The following SNORC variants were observed in gnomAD, a reference collection of about 807,000 sequenced individuals.
SNORC encodes the protein secondary ossification center associated regulator of chondrocyte maturation.
SNORC carries 11 observed loss-of-function variants against 9.7 expected under a neutral mutation model. That is an observed-to-expected ratio of 1.14 (90% CI 0.72 to 1.88). SNORC has a LOEUF of 1.88. Ranked by LOEUF, SNORC falls within the 40% of genes most tolerant of loss-of-function variation. The pLI, the probability that SNORC is intolerant of heterozygous loss-of-function variation, is 0.00. For missense variants in SNORC, 197 were observed against 173.1 expected, an observed-to-expected ratio of 1.14 and a Z score of -0.77; for synonymous variants, 108 against 88.7, an observed-to-expected ratio of 1.22 and a Z score of -1.22.
intron 1 of SNORC, among the ~76,000 whole-genome samples, chr2:232,873,887 T>C (rs1179973233): frequency 6.6e-6 from 1 of 152,236 alleles, no homozygotes; most frequent in African/African-American, 2.4e-5. Flanking sequence ...AGTGCTACAG[T>C]GCAGCCTTGG....
intron 1 of SNORC, among the ~76,000 whole-genome samples, chr2:232,873,991 G>A (rs558231880): frequency 6.6e-6 from 1 of 152,362 alleles, no homozygotes; most frequent in East Asian, 1.9e-4. Flanking sequence ...AAGGGGTTCT[G>A]CCTTGGGCCA....
chr2:232,870,388 G>A (rs1690982778), exon 1 of SNORC: 4 of 1,572,286 alleles, frequency 2.5e-6, no homozygotes, highest in Middle Eastern at 1.7e-4. Flanking sequence ...CTGGTCTCCG[G>A]GGTTCTGGCC....
downstream of SNORC, chr2:232,878,680 A>G (rs1691373864): frequency 6.6e-6 from 1 of 152,592 alleles, no homozygotes; most frequent in African/African-American, 2.4e-5. Context: ...CAAGGGCAAT[A>G]AAGAGTAGAC....
chr2:232,876,990 G>A (rs575381891), downstream of SNORC: 1 of 985,474 alleles, frequency 1.0e-6, no homozygotes, highest in Non-Finnish European at 1.2e-6. The surrounding 1 kb of genome is among the most constrained non-coding windows in gnomAD (Gnocchi z 6.8). Flanking sequence ...GCCGGGGTTG[G>A]GGAGGGCAGG....
Position 232,875,774 on chromosome 2 carries a change from C to A in SNORC, c.74-166C>A, listed in dbSNP as rs796757531. On this transcript the variant is annotated intron_variant, in intron 1 of 2. Coordinates refer to ENST00000331342, the Ensembl canonical transcript of SNORC. Reference sequence around the variant, plus strand: ...GGCCCTGCCCAATGGGAGGCAGCAACGCACTGGCTTCAGCTTCTTAGCCTG... The same window carrying A: ...GGCCCTGCCCAATGGGAGGCAGCAAAGCACTGGCTTCAGCTTCTTAGCCTG... 6.8e-6 allele frequency: 5 copies of A among 738,492 alleles called. No individual in the cohort carries two copies. In the South Asian group the frequency reaches 7.7e-5, roughly 11 times the overall value. The allele number at this position is 738,492 out of a possible 1,614,324, so 45.7% of individuals were successfully genotyped here.
chr2:232,875,951 C>A, exon 2 of SNORC: 1 of 1,553,086 alleles, frequency 6.4e-7, no homozygotes, highest in Non-Finnish European at 8.7e-7. Flanking sequence ...CGATGTTCCA[C>A]AGGAGCCCGT....
Position 232,876,039 on chromosome 2 carries a change from C to A in SNORC, c.173C>A (p.Pro58His). 6.5e-7 allele frequency: 1 copy of A among 1,542,892 alleles called. No individual in the cohort carries two copies. The highest frequency in any genetic ancestry group is 2.4e-5 in the East Asian group (1 of 41,002). The change falls in exon 2 of 3, where the codon CCC (proline) becomes CAC (histidine). Residue 58 changes from proline (P) to histidine (H), a missense_variant. Coordinates refer to ENST00000331342, the Ensembl canonical transcript of SNORC. The surrounding 1 kb of genome is among the most constrained non-coding windows in gnomAD (Gnocchi z 6.8). ...GAGAGCACCAGCCCCGGCCGGGAGC[C>A]CGTGGACACCGGTCCCCCAGCCCCC...
At chr2:232,876,871 C>T (rs1691274356), downstream of SNORC, 3 of 985,530 alleles carry the variant, frequency 3.0e-6, no homozygotes, top group Non-Finnish European at 3.6e-6. This position sits in a 1 kb window ranked among gnomAD's most constrained non-coding sequence, Gnocchi z 6.8. Flanking sequence ...CCGCGCTCCC[C>T]GGGGCCTGCC....
At chr2:232,872,091 C>G (rs570945936) in intron 1 of SNORC, among the ~76,000 whole-genome samples, 1 of 152,276 alleles carries the variant, frequency 6.6e-6, no homozygotes, top group Non-Finnish European at 1.5e-5. Context: ...ACCCCGGAGT[C>G]TCTGGGGTTC....
chr2:232,873,340 C>T (rs1251540797), intron 1 of SNORC, among the ~76,000 whole-genome samples: 6 of 152,028 alleles, frequency 3.9e-5, no homozygotes, highest in Admixed American at 1.3e-4. Flanking sequence ...TGGTGGTGGG[C>T]GCAGCAGAGA....
At chr2:232,877,679 T>A (rs1298529668), downstream of SNORC, 1 of 152,268 alleles carries the variant, frequency 6.6e-6, no homozygotes, top group Non-Finnish European at 1.5e-5. Context: ...CGCGCACCTC[T>A]CACACACTGG....
At chr2:232,868,506 C>G (rs1260760829), upstream of SNORC, among the ~76,000 whole-genome samples, 1 of 152,182 alleles carries the variant, frequency 6.6e-6, no homozygotes, top group African/African-American at 2.4e-5. Flanking sequence ...AATCAGTGAT[C>G]CCATCATCAA....
At chr2:232,866,548 T>A (rs936473085), upstream of SNORC, among the ~76,000 whole-genome samples, 50 of 152,164 alleles carry the variant, frequency 3.3e-4, 1 homozygote, top group Admixed American at 6.5e-4. Flanking sequence ...TTGAGAAAAT[T>A]TTTAGTATTT....
chr2:232,875,679 A>G lies in SNORC; in HGVS notation c.74-261A>G. Reference sequence around the variant, plus strand: ...CCAAATCCTGCCAACTCCCAACCCTATAAGCAGAGAAGGGCTTTGTGGGGG... The same window carrying G: ...CCAAATCCTGCCAACTCCCAACCCTGTAAGCAGAGAAGGGCTTTGTGGGGG... On this transcript the variant is annotated intron_variant, in intron 1 of 2. Coordinates refer to ENST00000331342, the Ensembl canonical transcript of SNORC. 9.1e-6 allele frequency: 5 copies of G among 551,824 alleles called. No homozygotes were observed. The South Asian group carries it at 1.2e-4, about 13-fold the overall frequency. 34.2% of individuals were successfully genotyped at this position (551,824 alleles called of 1,614,324 possible).
chr2:232,875,726 G>C (rs1691202806), intron 1 of SNORC: 2 of 586,558 alleles, frequency 3.4e-6, no homozygotes, highest in African/African-American at 1.9e-5. Context: ...ACACTGAACA[G>C]ACACTCCTCC....
At chr2:232,872,056 G>T (rs906725137) in intron 1 of SNORC, among the ~76,000 whole-genome samples, 9 of 152,188 alleles carry the variant, frequency 5.9e-5, no homozygotes, top group East Asian at 1.9e-4. Flanking sequence ...CAGGCCCCCC[G>T]CAGGGGCCAG....
downstream of SNORC, chr2:232,877,162 A>G (rs73997599): frequency 3.4e-3 from 3,317 of 985,440 alleles, 105 homozygotes; most frequent in African/African-American, 0.055. Flanking sequence ...GACGCCGGAC[A>G]CGGCCCGCCC....
chr2:232,876,875 G>A, downstream of SNORC: 4 of 985,556 alleles, frequency 4.1e-6, no homozygotes, highest in Non-Finnish European at 4.8e-6. The surrounding 1 kb of genome is among the most constrained non-coding windows in gnomAD (Gnocchi z 6.8). Flanking sequence ...GCTCCCCGGG[G>A]CCTGCCTCCC....
chr2:232,872,712 C>A (rs1412798360), intron 1 of SNORC, among the ~76,000 whole-genome samples: 3 of 152,218 alleles, frequency 2.0e-5, no homozygotes, highest in African/African-American at 7.2e-5. Flanking sequence ...CGCTCCTGCC[C>A]CATCTCCCCC....
Sources: allele counts gnomAD v4.1 joint callset (sites outside exome capture counted in the v4.1 genomes callset), GRCh38; gene constraint gnomAD v4.1.1; non-coding constraint Gnocchi (gnomAD v3.1); transcripts MANE v1.5; gene names NCBI Gene and HGNC (gene_info 2026-07-23, HGNC 2026-07-21).